SCN1A: variants seen among roughly 807,000 people sequenced by gnomAD.
The protein encoded by SCN1A is sodium voltage-gated channel alpha subunit 1.
In SCN1A, 13 loss-of-function variants were observed where a neutral mutation model predicts 193.7. That is an observed-to-expected ratio of 0.07 (90% CI 0.04 to 0.11). SCN1A has a LOEUF of 0.11. Among genes scored for constraint, SCN1A ranks in the 10% least tolerant of loss-of-function variants. The pLI is 1.00. For synonymous variants in SCN1A, 781 were observed against 843.6 expected, an observed-to-expected ratio of 0.93 and a Z score of 1.29; for missense variants, 1,432 against 2,451.1, an observed-to-expected ratio of 0.58 and a Z score of 8.78.
chr2:166,082,031 A>G (rs1417860254), intron 2 of SCN1A, among the ~76,000 whole-genome samples: 2 of 152,056 alleles, frequency 1.3e-5, no homozygotes, highest in Admixed American at 6.6e-5. Flanking sequence ...GTGTTAGTCT[A>G]TAATACAGGC....
intron 22 of SCN1A, among the ~76,000 whole-genome samples, chr2:166,010,051 A>C (rs555590031): frequency 6.6e-6 from 1 of 151,162 alleles, no homozygotes; most frequent in South Asian, 2.1e-4. Flanking sequence ...GCTAGTTGAA[A>C]AAAAATCCTT....
intron 19 of SCN1A, among the ~76,000 whole-genome samples, chr2:166,018,906 T>G (rs555530074): frequency 6.6e-6 from 1 of 152,252 alleles, no homozygotes; most frequent in East Asian, 1.9e-4. Context: ...ATTAATAACA[T>G]AAGATTGTAT....
In SCN1A at chr2:166,126,933, G is replaced by A. The variant is rs1013772975; in HGVS notation, c.-151C>T. 2.0e-5 allele frequency: 3 copies of A among 152,178 alleles called. No homozygotes were observed. Among genetic ancestry groups the A allele is most frequent in the African/African-American group, 7.2e-5 (3 of 41,440 alleles). 9.4% of individuals were successfully genotyped at this position (152,178 alleles called of 1,614,324 possible). ...GTCTTTAAACACATACCTCAAACAG[G>A]TAGGAGTCAGGAAATCCATGATAGC... On this transcript the variant is annotated 5_prime_UTR_variant, in exon 2 of 29. Coordinates refer to ENST00000674923, the MANE Select transcript of SCN1A (RefSeq NM_001165963.4).
intron 2 of SCN1A, among the ~76,000 whole-genome samples, chr2:166,118,219 T>G (rs549829532): frequency 6.7e-6 from 1 of 150,050 alleles, no homozygotes; most frequent in African/African-American, 2.4e-5. Flanking sequence ...AAGATTCCAC[T>G]TTTTGCTATT....
chr2:166,119,026 A>G (rs1280606690), intron 2 of SCN1A, among the ~76,000 whole-genome samples: 1 of 152,328 alleles, frequency 6.6e-6, no homozygotes, highest in African/African-American at 2.4e-5. Context: ...GTGCATGCAC[A>G]GTTCACAATA....
rs777102638 is a variant in SCN1A, at chr2:166,043,767, C to T, written c.1945G>A (p.Gly649Ser). 8.1e-6 allele frequency: 13 copies of T among 1,614,170 alleles called. No homozygotes were observed. The highest frequency in any genetic ancestry group is 1.1e-5 in the Non-Finnish European group (13 of 1,180,022). ...GGTCCACCAACCAAGGAAACCACACCATTGCAATCCACAGTGCTGTGCATC... is the reference window on the plus strand; with the variant it reads ...GGTCCACCAACCAAGGAAACCACACTATTGCAATCCACAGTGCTGTGCATC... ...GKMHSTVDCN[G>S]VVSLVGGPSV... Residue 649 changes from glycine to serine, a missense_variant, in exon 14 of 29, where the codon GGT becomes AGT. Gly to Ser is a moderately conservative substitution (Grantham distance 56). Coordinates refer to ENST00000674923, the MANE Select transcript of SCN1A (RefSeq NM_001165963.4).
At chr2:166,120,200 T>G (rs1305093558) in intron 2 of SCN1A, among the ~76,000 whole-genome samples, 2 of 151,720 alleles carry the variant, frequency 1.3e-5, no homozygotes, top group Non-Finnish European at 2.9e-5. Flanking sequence ...CTTTTTTATG[T>G]ACTTTATGTT....
At chr2:166,140,754 A>G (rs1235568365) in intron 1 of SCN1A, among the ~76,000 whole-genome samples, 1 of 151,748 alleles carries the variant, frequency 6.6e-6, no homozygotes, top group African/African-American at 2.4e-5. Context: ...CATCGTATTT[A>G]ATTAGGTGTT....
chr2:166,055,142 C>G (rs370416662), intron 6 of SCN1A, among the ~76,000 whole-genome samples: 1 of 149,730 alleles, frequency 6.7e-6, no homozygotes, highest in South Asian at 2.1e-4. Flanking sequence ...AAAAAAATCT[C>G]AAGTTTAATA....
intron 2 of SCN1A, among the ~76,000 whole-genome samples, chr2:166,080,519 G>A (rs987191555): frequency 2.0e-5 from 3 of 151,724 alleles, no homozygotes; most frequent in Non-Finnish European, 4.4e-5. Flanking sequence ...AAAAATATTG[G>A]AAATAAGTAG....
chr2:166,027,446 GGTTT>G (rs1316120519), intron 19 of SCN1A, among the ~76,000 whole-genome samples: 3 of 151,626 alleles, frequency 2.0e-5, no homozygotes, highest in African/African-American at 4.8e-5. Context: ...TTTTAAACTT[GGTTT>G]GTTATAAGGA....
intron 2 of SCN1A, among the ~76,000 whole-genome samples, chr2:166,088,146 C>A (rs1211753998): frequency 1.3e-5 from 2 of 151,968 alleles, no homozygotes; most frequent in Non-Finnish European, 2.9e-5. Flanking sequence ...AATAATTGGT[C>A]AACCACCCAT....
chr2:166,145,760 T>G (rs2106309337), intron 1 of SCN1A, among the ~76,000 whole-genome samples: 1 of 152,324 alleles, frequency 6.6e-6, no homozygotes, highest in Admixed American at 6.5e-5. Context: ...AGCCTATGAT[T>G]TTATAACTTT....
At chr2:166,025,486 AAAGAGTTTGCCTGATTAGGTCAGGCCC>A (rs1421062670) in intron 19 of SCN1A, among the ~76,000 whole-genome samples, 1 of 152,042 alleles carries the variant, frequency 6.6e-6, no homozygotes, top group Non-Finnish European at 1.5e-5. Context: ...CTGTGCATTT[AAAGAGTTTGCCTGATTAGGTCAGGCCC>A]ACCCAGCATC....
intron 4 of SCN1A, among the ~76,000 whole-genome samples, chr2:166,070,280 C>T (rs6711633): frequency 0.075 from 11,426 of 152,216 alleles, 1,150 homozygotes; most frequent in African/African-American, 0.23. Flanking sequence ...CAAAAAGCTT[C>T]GTGTGCATTG....
Position 166,010,125 on chromosome 2 carries a change from TAAA to T in SCN1A, c.3880-287_3880-285del, listed in dbSNP as rs542988879. On this transcript the variant is annotated intron_variant, in intron 22 of 28. Transcript: ENST00000674923. Reference sequence around the variant, plus strand: ...AAAAGCAAAGTAAAAATTAGTAAAATAAAAGAAGAAATCAAGGTGGAAAAAAAT... The same window carrying T: ...AAAAGCAAAGTAAAAATTAGTAAAATAGAAGAAATCAAGGTGGAAAAAAAT... Among the ~76,000 whole-genome samples the T allele has an allele frequency of 5.3e-4, 80 of 150,294 alleles. No homozygotes were observed. The East Asian group carries it at 0.015, about 29-fold the overall frequency.
intron 1 of SCN1A, among the ~76,000 whole-genome samples, chr2:166,146,711 GAT>G (rs1469751626): frequency 1.3e-5 from 2 of 152,146 alleles, no homozygotes; most frequent in African/African-American, 4.8e-5. Context: ...GAGGGTCAGT[GAT>G]ATGTGCCAAA....
At chr2:166,098,445 G>A (rs1226758311) in intron 2 of SCN1A, among the ~76,000 whole-genome samples, 7 of 152,000 alleles carry the variant, frequency 4.6e-5, no homozygotes, top group Admixed American at 1.3e-4. Flanking sequence ...GAACTGAAAC[G>A]AAACAAGGGT....
Position 166,036,125 on chromosome 2 carries a change from C to A in SCN1A, c.3352G>T (p.Ala1118Ser). ...NPSLTVTVPIAVGESDFENLN... is the reference protein window; with the variant it reads ...NPSLTVTVPISVGESDFENLN... Reference sequence around the variant, plus strand: ...TTTTCAAAGTCAGATTCTCCTACAGCAATTGGTACAGTCACAGTAAGACTG... The same window carrying A: ...TTTTCAAAGTCAGATTCTCCTACAGAAATTGGTACAGTCACAGTAAGACTG... The change falls in exon 19 of 29, where the codon GCT becomes TCT. Residue 1118 changes from alanine to serine, a missense_variant. Transcript: ENST00000674923. 6.2e-7 allele frequency: 1 copy of A among 1,613,962 alleles called. No homozygotes were observed. The highest frequency in any genetic ancestry group is 8.5e-7 in the Non-Finnish European group (1 of 1,179,926).
Sources: allele counts gnomAD v4.1 joint callset (sites outside exome capture counted in the v4.1 genomes callset), GRCh38; gene constraint gnomAD v4.1.1; transcripts MANE v1.5; gene names NCBI Gene and HGNC (gene_info 2026-07-23, HGNC 2026-07-21).